Variants in ZNF385B observed in about 807,000 individuals in gnomAD.
The protein encoded by ZNF385B is zinc finger protein 385B, also known as zinc finger protein 533.
In ZNF385B, 23 loss-of-function variants were observed where a neutral mutation model predicts 39.2. That is an observed-to-expected ratio of 0.59 (90% CI 0.42 to 0.83). ZNF385B has a LOEUF of 0.83. Among genes scored for constraint, ZNF385B ranks in the 40% least tolerant of loss-of-function variants. The probability of loss-of-function intolerance (pLI) is 0.00; values close to 1 mark genes in which losing one functional copy is unlikely to be tolerated. For missense variants in ZNF385B, 552 were observed against 598.9 expected (o/e 0.92, Z 0.82); for synonymous variants, 205 against 222.6 (o/e 0.92, Z 0.70).
At chr2:179,644,246 G>A (rs745519030) in intron 3 of ZNF385B, among the ~76,000 whole-genome samples, 3 of 152,060 alleles carry the variant, frequency 2.0e-5, no homozygotes, top group Admixed American at 6.6e-5. Flanking sequence ...ACCAGCATTC[G>A]ATGAAGGTAA....
Position 179,594,762 on chromosome 2 carries a change from T to C in ZNF385B, c.299-49793A>G, listed in dbSNP as rs777349774. Among the ~76,000 whole-genome samples, 18 of 152,076 alleles carry C rather than the reference T, an allele frequency of 1.2e-4. No individual in the cohort carries two copies. In the Middle Eastern group the frequency reaches 0.01, roughly 87 times the overall value. ...CAACAATATCTTATTCAAACCATGA[T>C]ACCAAGCCATTGTCTCAGTTGATAT... On this transcript the variant is annotated intron_variant, in intron 3 of 9. Transcript: ENST00000410066.
chr2:179,584,508 T>C (rs1686878672), intron 3 of ZNF385B, among the ~76,000 whole-genome samples: 1 of 151,908 alleles, frequency 6.6e-6, no homozygotes. Flanking sequence ...ATGAAGAAAA[T>C]ATATATTTCA....
chr2:179,764,100 C>G (rs1200316430), intron 3 of ZNF385B, among the ~76,000 whole-genome samples: 4 of 152,098 alleles, frequency 2.6e-5, no homozygotes, highest in African/African-American at 9.7e-5. Flanking sequence ...TTTTTCTGCT[C>G]TATCAGTTTT....
At chr2:179,769,948 T>A in intron 2 of ZNF385B, 146 bp from the exon 3 acceptor site, 1 of 725,242 alleles carries the variant, frequency 1.4e-6, no homozygotes, top group Non-Finnish European at 2.2e-6. Context: ...TCATCAAAAG[T>A]ACCTAAGTAA....
At chr2:179,821,204 C>A (rs1260845740) in intron 1 of ZNF385B, among the ~76,000 whole-genome samples, 8 of 152,180 alleles carry the variant, frequency 5.3e-5, no homozygotes, top group African/African-American at 1.9e-4. Context: ...TGTTGCCATG[C>A]CCTCCTCTCT....
chr2:179,858,239 A>T (rs1236753647), intron 1 of ZNF385B, among the ~76,000 whole-genome samples: 2 of 152,222 alleles, frequency 1.3e-5, no homozygotes, highest in Admixed American at 1.3e-4. Context: ...GAAAGCAAAG[A>T]TACTGGGAGG....
At chr2:179,769,890 T>A in intron 2 of ZNF385B, 88 bp from the exon 3 acceptor site, 4 of 1,357,870 alleles carry the variant, frequency 2.9e-6, no homozygotes, top group Non-Finnish European at 4.0e-6. Flanking sequence ...AGGGTTTGTT[T>A]AAGCTAAAAG....
chr2:179,624,648 A>T (rs1470699941), intron 3 of ZNF385B, among the ~76,000 whole-genome samples: 1 of 152,230 alleles, frequency 6.6e-6, no homozygotes, highest in East Asian at 1.9e-4. Flanking sequence ...CTGCCCTGAA[A>T]TGATACTGTG....
chr2:179,802,580 G>A (rs1050886897), intron 1 of ZNF385B: 2 of 152,124 alleles, frequency 1.3e-5, no homozygotes, highest in Admixed American at 1.3e-4. Flanking sequence ...TGCTCTAGAT[G>A]TGTTGATGAA....
Position 179,783,029 on chromosome 2 carries a change from A to G in ZNF385B, c.-154-12357T>C, listed in dbSNP as rs1704764925. The stretch of plus-strand genomic sequence containing the variant: ...AAAAATAGCCCGAATGGCCAAGGCA[A>G]TCTTAAGCAAAAAGAGCAAAGCTGG... On this transcript the variant is annotated intron_variant, in intron 1 of 9. Transcript: ENST00000410066. Among the ~76,000 whole-genome samples the G allele has an allele frequency of 2.0e-5, 3 of 152,210 alleles. No individual in the cohort carries two copies. The South Asian group carries it at 6.2e-4, about 32-fold the overall frequency.
intron 3 of ZNF385B, among the ~76,000 whole-genome samples, chr2:179,573,645 T>G (rs1487422618): frequency 6.6e-6 from 1 of 152,092 alleles, no homozygotes; most frequent in African/African-American, 2.4e-5. Flanking sequence ...TTTGAACTTT[T>G]TAACAATTGT....
At chr2:179,621,279 C>T (rs1246929854) in intron 3 of ZNF385B, among the ~76,000 whole-genome samples, 1 of 152,066 alleles carries the variant, frequency 6.6e-6, no homozygotes, top group Non-Finnish European at 1.5e-5. Flanking sequence ...CCTGGAATAT[C>T]TTTAGTACAC....
At chr2:179,471,378 A>T (rs2052759177) in intron 6 of ZNF385B, among the ~76,000 whole-genome samples, 1 of 152,234 alleles carries the variant, frequency 6.6e-6, no homozygotes, top group Non-Finnish European at 1.5e-5. Context: ...AGGAGTTTTC[A>T]AACTGGGCTC....
chr2:179,621,199 A>T (rs891230236), intron 3 of ZNF385B, among the ~76,000 whole-genome samples: 1 of 152,198 alleles, frequency 6.6e-6, no homozygotes, highest in African/African-American at 2.4e-5. Context: ...GAGGAAATCT[A>T]GCAAGTTAAA....
intron 3 of ZNF385B, among the ~76,000 whole-genome samples, chr2:179,588,119 C>T (rs1397005891): frequency 3.3e-5 from 5 of 152,196 alleles, no homozygotes; most frequent in African/African-American, 9.6e-5. Flanking sequence ...GACAGAGTCT[C>T]GCTCTGTCGC....
intron 3 of ZNF385B, among the ~76,000 whole-genome samples, chr2:179,594,595 G>A (rs1687840737): frequency 6.6e-6 from 1 of 152,132 alleles, no homozygotes; most frequent in African/African-American, 2.4e-5. Flanking sequence ...GGTTGACTCA[G>A]TTACTAAAAC....
At chr2:179,508,897 C>A (rs184913246) in intron 5 of ZNF385B, among the ~76,000 whole-genome samples, 1 of 151,306 alleles carries the variant, frequency 6.6e-6, no homozygotes, top group African/African-American at 2.4e-5. Flanking sequence ...TGTATATTTC[C>A]TTGTTAGTTA....
intron 3 of ZNF385B, among the ~76,000 whole-genome samples, chr2:179,766,065 C>CAG (rs1553527806): frequency 9.4e-4 from 142 of 150,940 alleles, no homozygotes; most frequent in African/African-American, 3.3e-3. Context: ...CACACACACA[C>CAG]AGCAGACTGG....
chr2:179,658,762 C>A (rs1694097957), intron 3 of ZNF385B, among the ~76,000 whole-genome samples: 1 of 152,144 alleles, frequency 6.6e-6, no homozygotes, highest in Non-Finnish European at 1.5e-5. Context: ...GGTTATCAAA[C>A]ATTCCTTAAA....
Sources: gnomAD v4.1 joint callset for allele counts (sites outside exome capture counted in the v4.1 genomes callset) on GRCh38, gnomAD v4.1.1 for gene constraint, MANE v1.5 for transcripts, NCBI Gene and HGNC (gene_info 2026-07-23, HGNC 2026-07-21) for gene names.